GRB10: variants seen among roughly 807,000 people sequenced by gnomAD.
The protein encoded by GRB10 is growth factor receptor-bound protein 10.
In GRB10, 20 loss-of-function variants were observed where a neutral mutation model predicts 80.9. That is an observed-to-expected ratio of 0.25 (90% CI 0.17 to 0.36). The LOEUF (loss-of-function observed/expected upper bound fraction) is 0.36. Ranked by LOEUF, GRB10 falls within the 10% of genes least tolerant of loss-of-function variation. The probability of loss-of-function intolerance (pLI) is 1.00; values close to 1 mark genes in which losing one functional copy is unlikely to be tolerated. For missense variants in GRB10, 548 were observed against 747.7 expected (o/e 0.73, Z 3.12); for synonymous variants, 291 against 291.5 (o/e 1.00, Z 0.02).
chr7:50,615,013 T>C (rs1453771829), intron 11 of GRB10, 133 bp from the exon 12 acceptor site: 1 of 704,770 alleles, frequency 1.4e-6, no homozygotes, highest in African/African-American at 1.7e-5. Flanking sequence ...TTACATATGA[T>C]TATTACGCGA....
rs560967253 is a variant in GRB10 at position 50,601,527 on chromosome 7, G to A, written c.1544+2471C>T. On this transcript the variant is annotated intron_variant, in intron 17 of 18. Transcript: ENST00000401949. ...TGGATTAATCCTTAAGGATTAAAAG[G>A]ACTGTAAAGAAATCGCAATTCAGGT... Among the ~76,000 whole-genome samples, 172 of 152,236 alleles carry A rather than the reference G, an allele frequency of 1.1e-3. 3 individuals are homozygous for A. Among genetic ancestry groups the A allele is most frequent in the Admixed American group, 0.011 (166 of 15,290 alleles).
chr7:50,656,691 C>A (rs1429369060), intron 7 of GRB10, among the ~76,000 whole-genome samples: 1 of 152,316 alleles, frequency 6.6e-6, no homozygotes, highest in Non-Finnish European at 1.5e-5. Context: ...TCCAAAGCCA[C>A]CGTGTGCTAC....
At position 50,719,376 on chromosome 7, in the gene GRB10, C is replaced by T. The variant is rs150927314; in HGVS notation, c.51+12896G>A. ...CAAAGGGAATTCATCTTAAGAGTGA[C>T]CATCCTTTGAAGCTGGAAGCCATCA... On this transcript the variant is annotated intron_variant, in intron 4 of 18. Transcript: ENST00000401949. 4.2e-4 allele frequency among the ~76,000 whole-genome samples: 64 copies of T among 152,288 alleles called. 1 individual carries two copies. The East Asian group carries it at 0.012, about 29-fold the overall frequency.
intron 5 of GRB10, among the ~76,000 whole-genome samples, chr7:50,681,552 C>T (rs1297458714): frequency 6.6e-6 from 1 of 152,192 alleles, no homozygotes; most frequent in Non-Finnish European, 1.5e-5. Flanking sequence ...TCATATCTCC[C>T]TTGTGGAAGG....
intron 4 of GRB10, among the ~76,000 whole-genome samples, chr7:50,717,045 C>T (rs2066982600): frequency 6.6e-6 from 1 of 152,208 alleles, no homozygotes; most frequent in Non-Finnish European, 1.5e-5. Flanking sequence ...GTTTCTGAGC[C>T]TCACTTTTAT....
intron 4 of GRB10, among the ~76,000 whole-genome samples, chr7:50,708,856 A>AGTAGAGATG (rs753515685): frequency 2.2e-4 from 33 of 151,882 alleles, no homozygotes; most frequent in Non-Finnish European, 4.4e-4. Flanking sequence ...TTTGTATTTT[A>AGTAGAGATG]GTAGAGATGC....
At chr7:50,729,945 A>G (rs1219980377) in intron 4 of GRB10, among the ~76,000 whole-genome samples, 1 of 152,092 alleles carries the variant, frequency 6.6e-6, no homozygotes, top group East Asian at 1.9e-4. Context: ...CTATCAAAGA[A>G]TTAAAGATCA....
At chr7:50,677,982 T>C (rs1354720267) in intron 5 of GRB10, among the ~76,000 whole-genome samples, 2 of 152,224 alleles carry the variant, frequency 1.3e-5, no homozygotes, top group African/African-American at 2.4e-5. Context: ...CTGAGACTGT[T>C]CTCTTCTAGG....
chr7:50,640,491 C>A (rs896778319), intron 7 of GRB10, among the ~76,000 whole-genome samples: 1 of 152,212 alleles, frequency 6.6e-6, no homozygotes, highest in Non-Finnish European at 1.5e-5. Context: ...TGTGCCCCTC[C>A]ACCCTTCTCT....
intron 15 of GRB10, among the ~76,000 whole-genome samples, chr7:50,604,699 G>A (rs557581484): frequency 2.0e-5 from 3 of 152,178 alleles, no homozygotes; most frequent in African/African-American, 4.8e-5. Flanking sequence ...TTAAACTCAC[G>A]CAGTTCTCAA....
At position 50,605,556 on chromosome 7, in the gene GRB10, C is replaced by G. The variant is rs115601978; in HGVS notation, c.1273-150G>C. ...CTCCCCAAGTTTCAGGTGGGAAATT[C>G]ACCGGTTCAGGCTGAAAATTCAGTG... On this transcript the variant is annotated intron_variant, in intron 14 of 18. Transcript: ENST00000401949. The G allele has an allele frequency of 6.8e-3, 5,123 of 748,644 alleles. 170 individuals are homozygous for G. The African/African-American group carries it at 0.08, about 12-fold the overall frequency. 46.4% of individuals were successfully genotyped at this position (748,644 alleles called of 1,614,324 possible). A position where few individuals can be genotyped will look rare whatever the true frequency, so the allele number is the denominator to read the frequency against.
At chr7:50,734,461 C>A (rs572698961) in intron 3 of GRB10, among the ~76,000 whole-genome samples, 12,748 of 96,284 alleles carry the variant, frequency 0.13, 908 homozygotes, top group Admixed American at 0.29. Context: ...CTGCCCACAC[C>A]CCCCACGCAC....
At chr7:50,784,096 C>A (rs2078581461), upstream of GRB10, among the ~76,000 whole-genome samples, 1 of 152,218 alleles carries the variant, frequency 6.6e-6, no homozygotes, top group Non-Finnish European at 1.5e-5. Flanking sequence ...ACAGTCCGGG[C>A]TGACCACATA....
chr7:50,710,562 C>T (rs1490306892), intron 4 of GRB10, among the ~76,000 whole-genome samples: 2 of 152,176 alleles, frequency 1.3e-5, no homozygotes, highest in Non-Finnish European at 2.9e-5. Flanking sequence ...TTATCTAAAA[C>T]TGCAACACAC....
chr7:50,771,999 A>C (rs1222982309), intron 2 of GRB10, among the ~76,000 whole-genome samples: 3 of 152,168 alleles, frequency 2.0e-5, no homozygotes, highest in East Asian at 3.9e-4. Context: ...AGCCAACCTC[A>C]CTTGAATGGC....
chr7:50,713,725 TCTA>T (rs1485224873), intron 4 of GRB10, among the ~76,000 whole-genome samples: 5 of 101,242 alleles, frequency 4.9e-5, no homozygotes, highest in South Asian at 3.9e-4. Context: ...CTCCACCTCC[TCTA>T]CTATCACATC....
At chr7:50,677,633 C>T (rs2061098930) in intron 5 of GRB10, among the ~76,000 whole-genome samples, 1 of 152,350 alleles carries the variant, frequency 6.6e-6, no homozygotes, top group South Asian at 2.1e-4. Flanking sequence ...CTCCTACACT[C>T]CTATTTAGCT....
chr7:50,700,887 A>T (rs1022396700), intron 5 of GRB10, among the ~76,000 whole-genome samples: 5 of 152,254 alleles, frequency 3.3e-5, no homozygotes, highest in Non-Finnish European at 5.9e-5. Context: ...CTTTTCAAAA[A>T]GTTACACAGG....
At chr7:50,605,594 T>C (rs1414482578) in intron 14 of GRB10, among the ~76,000 whole-genome samples, 188 bp from the exon 15 acceptor site, 1 of 152,118 alleles carries the variant, frequency 6.6e-6, no homozygotes, top group Admixed American at 6.5e-5. Flanking sequence ...CCCTTCAGTT[T>C]TTCTTAAGAA....
Sources: gnomAD v4.1 joint callset for allele counts (sites outside exome capture counted in the v4.1 genomes callset) on GRCh38, gnomAD v4.1.1 for gene constraint, MANE v1.5 for transcripts, NCBI Gene and HGNC (gene_info 2026-07-23, HGNC 2026-07-21) for gene names.